The following PRKCA variants were observed in gnomAD, a reference collection of about 807,000 sequenced individuals.
PRKCA encodes protein kinase C alpha.
PRKCA carries 27 observed loss-of-function variants against 87.0 expected under a neutral mutation model. The observed-to-expected ratio is 0.31, with a 90% confidence interval of 0.23 to 0.43. The LOEUF is 0.43. Among genes scored for constraint, PRKCA ranks in the 20% least tolerant of loss-of-function variants. The probability of loss-of-function intolerance (pLI) is 1.00; values close to 1 mark genes in which losing one functional copy is unlikely to be tolerated. For missense variants in PRKCA, 518 were observed against 852.3 expected (o/e 0.61, Z 4.88); for synonymous variants, 329 against 311.1 (o/e 1.06, Z -0.61).
At chr17:66,764,695 A>T (rs116844698) in intron 13 of PRKCA, among the ~76,000 whole-genome samples, 2,769 of 152,340 alleles carry the variant, frequency 0.018, 42 homozygotes, top group Admixed American at 0.035. Context: ...GCAGCAGGGA[A>T]ATCCGCCAGC....
At chr17:66,725,053 G>A (rs1208815492) in intron 8 of PRKCA, among the ~76,000 whole-genome samples, 1 of 152,186 alleles carries the variant, frequency 6.6e-6, no homozygotes, top group Non-Finnish European at 1.5e-5. Flanking sequence ...ACCCTTCCAA[G>A]GGCATGGTTT....
chr17:66,671,271 C>A (rs1972176669), intron 5 of PRKCA, among the ~76,000 whole-genome samples: 1 of 140,918 alleles, frequency 7.1e-6, no homozygotes, highest in African/African-American at 2.6e-5. Flanking sequence ...GACAGAGGGA[C>A]AACAACAAGT....
intron 2 of PRKCA, among the ~76,000 whole-genome samples, chr17:66,462,218 C>G (rs548563101): frequency 6.6e-6 from 1 of 152,218 alleles, no homozygotes; most frequent in Admixed American, 6.5e-5. Context: ...CCCAGTTTGT[C>G]AATAACAGCT....
intron 2 of PRKCA, among the ~76,000 whole-genome samples, chr17:66,324,610 C>T (rs1905869553): frequency 6.6e-6 from 1 of 151,916 alleles, no homozygotes; most frequent in African/African-American, 2.4e-5. Flanking sequence ...GGGACTCTGT[C>T]TTAACAAAAA....
intron 3 of PRKCA, among the ~76,000 whole-genome samples, chr17:66,560,110 G>A (rs1968633286): frequency 6.6e-6 from 1 of 152,158 alleles, no homozygotes; most frequent in Non-Finnish European, 1.5e-5. Context: ...CCAAATAAAT[G>A]GTGATCAATC....
chr17:66,341,044 G>A (rs1907013940), intron 2 of PRKCA, among the ~76,000 whole-genome samples: 1 of 152,014 alleles, frequency 6.6e-6, no homozygotes, highest in South Asian at 2.1e-4. Flanking sequence ...CACTTGCATG[G>A]GTCTTCTCAT....
chr17:66,687,900 A>G (rs1306851887), intron 6 of PRKCA, among the ~76,000 whole-genome samples: 1 of 152,318 alleles, frequency 6.6e-6, no homozygotes, highest in South Asian at 2.1e-4. Context: ...TCTGTGGACA[A>G]CCAGAAAGGT....
At chr17:66,592,314 C>T (rs117160847) in intron 3 of PRKCA, among the ~76,000 whole-genome samples, 7,116 of 135,746 alleles carry the variant, frequency 0.052, 250 homozygotes, top group East Asian at 0.12. Context: ...AAGATTGCAC[C>T]ACTGCACTCC....
At chr17:66,552,399 T>C (rs1021962886) in intron 3 of PRKCA, among the ~76,000 whole-genome samples, 12 of 152,338 alleles carry the variant, frequency 7.9e-5, no homozygotes, top group Middle Eastern at 3.4e-3. Context: ...GCAGTTTCTG[T>C]GGGTCACAGT....
At chr17:66,535,281 A>G (rs1967734777) in intron 3 of PRKCA, among the ~76,000 whole-genome samples, 1 of 152,098 alleles carries the variant, frequency 6.6e-6, no homozygotes, top group Non-Finnish European at 1.5e-5. Context: ...AGATGGGAAA[A>G]CTCACCAAGG....
At chr17:66,578,011 G>A (rs1001894542) in intron 3 of PRKCA, among the ~76,000 whole-genome samples, 1 of 151,836 alleles carries the variant, frequency 6.6e-6, no homozygotes, top group Admixed American at 6.6e-5. Flanking sequence ...TGTGTCATGC[G>A]CCCCCTCCAC....
chr17:66,754,240 A>G (rs1273693696), intron 13 of PRKCA, among the ~76,000 whole-genome samples: 1 of 151,878 alleles, frequency 6.6e-6, no homozygotes, highest in African/African-American at 2.4e-5. Flanking sequence ...ATGTGTATGT[A>G]TTCATACAAT....
At chr17:66,310,208 T>TTTC (rs560855085) in intron 2 of PRKCA, among the ~76,000 whole-genome samples, 2 of 38,012 alleles carry the variant, frequency 5.3e-5, no homozygotes, top group African/African-American at 3.1e-4. Flanking sequence ...TTTTCTCTAA[T>TTTC]TTTTTTTTTT....
chr17:66,451,985 G>C (rs1053375937), intron 2 of PRKCA, among the ~76,000 whole-genome samples: 1 of 152,172 alleles, frequency 6.6e-6, no homozygotes, highest in Non-Finnish European at 1.5e-5. Context: ...ACACCGCCGG[G>C]AGGTAAATCA....
At chr17:66,742,954 C>A (rs984693165) in intron 13 of PRKCA, among the ~76,000 whole-genome samples, 194 bp downstream of exon 13, 1 of 152,200 alleles carries the variant, frequency 6.6e-6, no homozygotes, top group Non-Finnish European at 1.5e-5. Flanking sequence ...TTGTGTCTTG[C>A]TTCCTGGAAC....
chr17:66,372,550 T>C (rs1909178144), intron 2 of PRKCA, among the ~76,000 whole-genome samples: 2 of 152,228 alleles, frequency 1.3e-5, no homozygotes, highest in African/African-American at 2.4e-5. Context: ...TTTTGTGTTA[T>C]GTGTATTCTT....
intron 5 of PRKCA, among the ~76,000 whole-genome samples, chr17:66,675,883 C>T (rs1972315177): frequency 6.6e-6 from 1 of 152,206 alleles, no homozygotes; most frequent in Non-Finnish European, 1.5e-5. Context: ...GTACCTGTAA[C>T]GTGTCCCACC....
chr17:66,444,946 C>T (rs1913957877), intron 2 of PRKCA, among the ~76,000 whole-genome samples: 1 of 152,158 alleles, frequency 6.6e-6, no homozygotes, highest in African/African-American at 2.4e-5. Flanking sequence ...ACACACAACA[C>T]ACACACACTC....
intron 2 of PRKCA, among the ~76,000 whole-genome samples, chr17:66,473,449 G>T (rs1264044826): frequency 6.6e-6 from 1 of 152,082 alleles, no homozygotes; most frequent in African/African-American, 2.4e-5. Flanking sequence ...CCCTTCCCTT[G>T]TAACAGCCTC....
Sources: gnomAD v4.1 joint callset for allele counts (sites outside exome capture counted in the v4.1 genomes callset) on GRCh38, gnomAD v4.1.1 for gene constraint, MANE v1.5 for transcripts, NCBI Gene and HGNC (gene_info 2026-07-23, HGNC 2026-07-21) for gene names.